The following RGS12 variants were observed in gnomAD, a reference collection of about 807,000 sequenced individuals.
RGS12 encodes the protein regulator of G protein signaling 12.
Under a neutral mutation model 120.1 loss-of-function variants are expected in RGS12, and 66 were observed. The ratio of observed to expected loss-of-function variants is 0.55; its 90% CI spans 0.45 to 0.67. The LOEUF (loss-of-function observed/expected upper bound fraction) is 0.67. RGS12 is among the 30% of genes least tolerant of loss of function. RGS12 has a pLI of 0.00. For missense variants in RGS12, 1,859 were observed against 1,957.7 expected (o/e 0.95, Z 0.95); for synonymous variants, 827 against 804.7 (o/e 1.03, Z -0.47).
At chr4:3,393,475 C>T (rs1475392791) in intron 4 of RGS12, among the ~76,000 whole-genome samples, 1 of 152,186 alleles carries the variant, frequency 6.6e-6, no homozygotes, top group African/African-American at 2.4e-5. Flanking sequence ...GACCTGTCTC[C>T]TCAGCTCTGG....
rs185647957 is a variant in RGS12, at chr4:3,338,503, C to T, written c.1882-4434C>T. 2.2e-4 allele frequency among the ~76,000 whole-genome samples: 34 copies of T among 152,356 alleles called. 1 individual carries two copies. Among genetic ancestry groups the T allele is most frequent in the East Asian group, 1.4e-3 (7 of 5,176 alleles). On this transcript the variant is annotated intron_variant, in intron 2 of 17. Transcript: ENST00000336727. Reference sequence around the variant, plus strand: ...CTGGGCCTGTGTGTGGTAGTAATGCCGGTTGACCGGCCGTCCCTTGGGACC... The same window carrying T: ...CTGGGCCTGTGTGTGGTAGTAATGCTGGTTGACCGGCCGTCCCTTGGGACC...
chr4:3,396,789 T>C (rs1393410458), intron 4 of RGS12, among the ~76,000 whole-genome samples: 1 of 152,230 alleles, frequency 6.6e-6, no homozygotes, highest in Non-Finnish European at 1.5e-5. Flanking sequence ...ACTGGCAGCT[T>C]TCCAGAGTCA....
At chr4:3,291,687 G>C (rs1264281187), upstream of RGS12, among the ~76,000 whole-genome samples, 1 of 152,154 alleles carries the variant, frequency 6.6e-6, no homozygotes, top group Non-Finnish European at 1.5e-5. Flanking sequence ...AGGGCTGGCT[G>C]TGTCCCTTGG....
chr4:3,407,084 AC>A (rs1721211881), intron 4 of RGS12, among the ~76,000 whole-genome samples: 1 of 152,228 alleles, frequency 6.6e-6, no homozygotes, highest in African/African-American at 2.4e-5. Flanking sequence ...GCCTACAAGT[AC>A]TTTTTTTTCC....
intron 2 of RGS12, among the ~76,000 whole-genome samples, chr4:3,332,720 C>T (rs1299524586): frequency 6.6e-6 from 1 of 152,234 alleles, no homozygotes; most frequent in African/African-American, 2.4e-5. Flanking sequence ...TAGTCCCTGG[C>T]TGGTTGTGCA....
chr4:3,406,909 G>A (rs1410011225), intron 4 of RGS12, among the ~76,000 whole-genome samples: 1 of 152,200 alleles, frequency 6.6e-6, no homozygotes, highest in Non-Finnish European at 1.5e-5. Flanking sequence ...TTCACAGGTG[G>A]TCCAGTTTGG....
intron 15 of RGS12, 164 bp from the exon 16 acceptor site, chr4:3,428,394 T>A (rs1178442414): frequency 2.6e-6 from 2 of 769,548 alleles, no homozygotes; most frequent in Non-Finnish European, 4.3e-6. Flanking sequence ...CCTTAAATGC[T>A]ATTCTTGTTT....
chr4:3,347,483 C>T (rs144715183), intron 3 of RGS12, among the ~76,000 whole-genome samples: 38 of 152,224 alleles, frequency 2.5e-4, no homozygotes, highest in African/African-American at 8.7e-4. Context: ...ATCTGGAAAA[C>T]AAAACATTTA....
chr4:3,330,581 A>AT (rs957663243), intron 2 of RGS12, among the ~76,000 whole-genome samples: 30 of 152,046 alleles, frequency 2.0e-4, no homozygotes, highest in Admixed American at 1.1e-3. Context: ...GGCACTTAAT[A>AT]TTTTTTTTGA....
In RGS12 at chr4:3,439,658, A is replaced by G. The variant is rs371011948; in HGVS notation, c.4318A>G (p.Ser1440Gly). ...GGGTGAGCCTGCTAAGCCCAAGACCAGCGCTCACCACGCCACCTTCGTCTG... is the reference window on the plus strand; with the variant it reads ...GGGTGAGCCTGCTAAGCCCAAGACCGGCGCTCACCACGCCACCTTCGTCTG... Reference protein sequence around the residue: ...VPGEPAKPKTSAHHATFV With the variant: ...VPGEPAKPKTGAHHATFV The change falls in exon 18 of 18, where the codon AGC becomes GGC. Residue 1440 changes from serine (S) to glycine (G), a missense_variant. Transcript: ENST00000336727. The G allele has an allele frequency of 6.4e-6, 10 of 1,556,728 alleles. No individual in the cohort carries two copies. Among genetic ancestry groups the G allele is most frequent in the Non-Finnish European group, 8.7e-6 (10 of 1,151,646 alleles).
intron 15 of RGS12, 62 bp from the exon 16 acceptor site, chr4:3,428,496 A>G: frequency 7.2e-7 from 1 of 1,384,612 alleles, no homozygotes; most frequent in Non-Finnish European, 9.9e-7. Context: ...TCTCTAACTA[A>G]TGAATGATGT....
intron 3 of RGS12, 75 bp downstream of exon 3, chr4:3,343,128 G>A (rs1713418732): frequency 8.9e-7 from 1 of 1,121,174 alleles, no homozygotes; most frequent in Non-Finnish European, 1.3e-6. Flanking sequence ...AGATACGTCT[G>A]GCTGTTTTTT....
intron 1 of RGS12, among the ~76,000 whole-genome samples, chr4:3,296,914 A>G (rs982781584): frequency 1.3e-5 from 2 of 152,230 alleles, no homozygotes; most frequent in Non-Finnish European, 2.9e-5. Flanking sequence ...GGTCGTTACC[A>G]GTTCCAAACT....
intron 10 of RGS12, among the ~76,000 whole-genome samples, chr4:3,421,943 C>G (rs1723062524): frequency 6.6e-6 from 1 of 152,238 alleles, no homozygotes; most frequent in Admixed American, 6.5e-5. Flanking sequence ...GAAGGCAGTG[C>G]CGACGAAGTC....
rs560425300 is a variant in RGS12 at position 3,320,052 on chromosome 4, A to G, written c.1881+2001A>G. Among the ~76,000 whole-genome samples, 16 of 152,294 alleles carry G rather than the reference A, an allele frequency of 1.1e-4. No homozygotes were observed. In the East Asian group the frequency reaches 2.1e-3, roughly 20 times the overall value. On this transcript the variant is annotated intron_variant, in intron 2 of 17. Transcript: ENST00000336727. Reference sequence around the variant, plus strand: ...ACATATTTAAAACTGTGTTTTCTCCACTGCTGTGGTGTAGTGAAGGTTGAC... The same window carrying G: ...ACATATTTAAAACTGTGTTTTCTCCGCTGCTGTGGTGTAGTGAAGGTTGAC...
At chr4:3,421,303 G>C (rs1343796524) in intron 10 of RGS12, among the ~76,000 whole-genome samples, 1 of 152,218 alleles carries the variant, frequency 6.6e-6, no homozygotes, top group East Asian at 1.9e-4. Flanking sequence ...AACCTCACTG[G>C]TTGCCAGCAT....
intron 4 of RGS12, among the ~76,000 whole-genome samples, chr4:3,408,658 C>T (rs983296554): frequency 2.6e-5 from 4 of 152,160 alleles, no homozygotes; most frequent in Non-Finnish European, 5.9e-5. Flanking sequence ...CAGCAGGTCC[C>T]GTCTGTGCCC....
intron 17 of RGS12, 67 bp from the exon 18 acceptor site, chr4:3,439,388 A>G: frequency 6.8e-7 from 1 of 1,480,244 alleles, no homozygotes. Flanking sequence ...CCTTCGGGGT[A>G]GGGGGTGGGT....
At chr4:3,420,533 G>A in intron 9 of RGS12, 109 bp from the exon 10 acceptor site, 1 of 985,246 alleles carries the variant, frequency 1.0e-6, no homozygotes. Flanking sequence ...TGGGTGGGGG[G>A]GGCTTCCTGG....
Sources: allele counts gnomAD v4.1 joint callset (sites outside exome capture counted in the v4.1 genomes callset), GRCh38; gene constraint gnomAD v4.1.1; transcripts MANE v1.5; gene names NCBI Gene and HGNC (gene_info 2026-07-23, HGNC 2026-07-21).